Variants in FAT4 observed in about 807,000 individuals in gnomAD.
FAT4 encodes protocadherin Fat 4.
FAT4 carries 84 observed loss-of-function variants against 303.9 expected under a neutral mutation model. The ratio of observed to expected loss-of-function variants is 0.28; its 90% confidence interval spans 0.23 to 0.33. FAT4 has a LOEUF of 0.33. FAT4 is among the 10% of genes least tolerant of loss of function. The probability of loss-of-function intolerance (pLI) is 1.00; values close to 1 mark genes in which losing one functional copy is unlikely to be tolerated. For synonymous variants in FAT4, 2,307 were observed against 2,298.8 expected (o/e 1.00, Z -0.10); for missense variants, 6,005 against 6,146.8 (o/e 0.98, Z 0.77).
At chr4:125,452,869 C>T (rs911934307) in intron 10 of FAT4, 59 bp downstream of exon 10, 25 of 1,496,992 alleles carry the variant, frequency 1.7e-5, no homozygotes, top group Middle Eastern at 3.6e-4. Context: ...TATATTGAAA[C>T]GAAATAATTT....
At chr4:125,465,591 G>C (rs191301390) in intron 11 of FAT4, among the ~76,000 whole-genome samples, 1 of 152,152 alleles carries the variant, frequency 6.6e-6, no homozygotes, top group Non-Finnish European at 1.5e-5. Flanking sequence ...ATAAAAACAA[G>C]TTGCTGCTGC....
intron 8 of FAT4, among the ~76,000 whole-genome samples, chr4:125,435,945 C>A (rs9994836): frequency 6.6e-6 from 1 of 151,546 alleles, no homozygotes; most frequent in East Asian, 2.0e-4. Flanking sequence ...TTTGTACTTA[C>A]GTGGAGAAAT....
chr4:125,477,737 A>G (rs764311996), intron 14 of FAT4, among the ~76,000 whole-genome samples: 27 of 152,214 alleles, frequency 1.8e-4, no homozygotes, highest in South Asian at 4.1e-4. Flanking sequence ...ATAGACATAC[A>G]TATTCCTAAA....
intron 2 of FAT4, among the ~76,000 whole-genome samples, chr4:125,375,020 A>G (rs2710582): frequency 0.71 from 107,624 of 152,070 alleles, 38,288 homozygotes; most frequent in African/African-American, 0.81. Flanking sequence ...ACTTAAATTC[A>G]TAGGCACATA....
At chr4:125,417,187 T>G (rs1229559366) in intron 7 of FAT4, among the ~76,000 whole-genome samples, 1 of 152,092 alleles carries the variant, frequency 6.6e-6, no homozygotes, top group African/African-American at 2.4e-5. Context: ...CCCTATAAGC[T>G]TATTGAGTAC....
In FAT4 at chr4:125,491,141, G is replaced by T; in HGVS notation, c.14325G>T (p.Pro4775=). 2 of 1,614,144 alleles carry T rather than the reference G, an allele frequency of 1.2e-6. No homozygotes were observed. The highest frequency in any genetic ancestry group is 1.7e-6 in the Non-Finnish European group (2 of 1,180,020). The change falls in exon 18 of 18, where the codon CCG becomes CCT. Residue 4775 remains proline (P), a synonymous_variant. Coordinates refer to ENST00000394329, the MANE Select transcript of FAT4 (RefSeq NM_001291303.3). ...GSRPGSRLKQ[P]IGQIPLESSP... is the part of the protein sequence containing the mutation. ...GACCAGGGAGTCGCCTAAAGCAGCC[G>T]ATTGGGCAGATTCCACTGGAATCTT...
intron 2 of FAT4, among the ~76,000 whole-genome samples, chr4:125,384,019 T>C (rs1733640434): frequency 6.6e-6 from 1 of 152,226 alleles, no homozygotes. Flanking sequence ...TTCTTTTTAC[T>C]GCTGAATATG....
intron 2 of FAT4, among the ~76,000 whole-genome samples, chr4:125,392,982 T>C (rs1299063624): frequency 6.6e-6 from 1 of 152,150 alleles, no homozygotes; most frequent in Non-Finnish European, 1.5e-5. Flanking sequence ...TAATTTTGAC[T>C]CTCTGTAAAA....
intron 2 of FAT4, among the ~76,000 whole-genome samples, chr4:125,384,220 T>G (rs1733651868): frequency 6.6e-6 from 1 of 152,352 alleles, no homozygotes; most frequent in Admixed American, 6.5e-5. Context: ...GTGATAGCTA[T>G]ATTTAACATA....
rs1005338537 is a variant in FAT4, at chr4:125,452,107, C to A, written c.11097C>A (p.Ile3699=). 5.0e-6 allele frequency: 8 copies of A among 1,614,184 alleles called. No individual in the cohort carries two copies. The highest frequency in any genetic ancestry group is 6.8e-6 in the Non-Finnish European group (8 of 1,180,036). The change falls in exon 10 of 18, where the codon ATC becomes ATA. Residue 3699 remains isoleucine, a synonymous_variant. Coordinates refer to ENST00000394329, the MANE Select transcript of FAT4 (RefSeq NM_001291303.3). ...TTCACAGCACAGTCACGAGCAACATCCGAGTTTTCTTTGCTGGATTTTCCA... is the reference window on the plus strand; with the variant it reads ...TTCACAGCACAGTCACGAGCAACATACGAGTTTTCTTTGCTGGATTTTCCA... ...DGVHSTVTSN[I]RVFFAGFSNA...
At position 125,435,876 on chromosome 4, in the gene FAT4, G is replaced by A. The variant is rs114480861; in HGVS notation, c.7199+1451G>A. ...TAGAATCTGATGAGAGAGGATTTAC[G>A]GAGAGAAACCAGTGCACCATTTAGG... On this transcript the variant is annotated intron_variant, in intron 8 of 17. Transcript: ENST00000394329. Among the ~76,000 whole-genome samples the A allele has an allele frequency of 1.3e-3, 199 of 152,198 alleles. 2 individuals carry two copies. The highest frequency in any genetic ancestry group is 4.6e-3 in the African/African-American group (190 of 41,516).
chr4:125,413,109 C>A (rs980829371), intron 5 of FAT4, among the ~76,000 whole-genome samples: 60 of 151,440 alleles, frequency 4.0e-4, no homozygotes, highest in Non-Finnish European at 8.9e-5. Context: ...TATACACACA[C>A]AATATAATGT....
chr4:125,441,029 C>T (rs1578646623), intron 8 of FAT4, among the ~76,000 whole-genome samples: 2 of 151,894 alleles, frequency 1.3e-5, no homozygotes, highest in East Asian at 3.9e-4. Flanking sequence ...TACATCATGC[C>T]TGTACTATTA....
intron 2 of FAT4, among the ~76,000 whole-genome samples, chr4:125,370,869 GC>G (rs1733078468): frequency 6.6e-6 from 1 of 152,134 alleles, no homozygotes; most frequent in African/African-American, 2.4e-5. Context: ...TGTTAGGCCA[GC>G]CTGGGTGGCT....
Position 125,468,653 on chromosome 4 carries a change from A to G in FAT4, c.12047A>G (p.Asn4016Ser). 9 of 1,614,136 alleles carry G rather than the reference A, an allele frequency of 5.6e-6. No homozygotes were observed. Among genetic ancestry groups the G allele is most frequent in the Non-Finnish European group, 6.8e-6 (8 of 1,180,026 alleles). The change falls in exon 12 of 18, where the codon AAC (asparagine) becomes AGC (serine). Residue 4016 changes from asparagine (N) to serine (S), a missense_variant. Physicochemically the swap from Asn to Ser is conservative, Grantham distance 46. Transcript: ENST00000394329. ...AAAAGTCATGCCTTATTGCTTTACA[A>G]CTATGACAACCAGACAGGCGACCGG... ...TIKSHALLLY[N>S]YDNQTGDRAE...
At chr4:125,401,509 T>C (rs1405898958) in intron 3 of FAT4, among the ~76,000 whole-genome samples, 1 of 151,926 alleles carries the variant, frequency 6.6e-6, no homozygotes, top group African/African-American at 2.4e-5. Context: ...ATTGTGTAGA[T>C]TTTTAAAAAT....
At chr4:125,486,505 C>G (rs1027918052) in intron 16 of FAT4, among the ~76,000 whole-genome samples, 1 of 152,118 alleles carries the variant, frequency 6.6e-6, no homozygotes, top group Non-Finnish European at 1.5e-5. Flanking sequence ...GCCACTGCAT[C>G]CCCCTGCCAA....
At position 125,450,342 on chromosome 4, in the gene FAT4, G is replaced by A. The variant is rs757736746; in HGVS notation, c.9332G>A (p.Arg3111Lys). The change falls in exon 10 of 18, where the codon AGA (arginine) becomes AAA (lysine). Residue 3111 changes from arginine (R) to lysine (K), a missense_variant. By Grantham distance (26) the Arg-to-Lys change is conservative. Coordinates refer to ENST00000394329, the MANE Select transcript of FAT4 (RefSeq NM_001291303.3). ...AGCCATAGCATTGGGTCCATTGTCA[G>A]AACTGTTTCTGCAAGAGATAGAGAT... ...PESHSIGSIV[R>K]TVSARDRDAA... 2.5e-6 allele frequency: 4 copies of A among 1,614,102 alleles called. No individual in the cohort carries two copies. In the Admixed American group the frequency reaches 6.7e-5, roughly 27 times the overall value.
rs1274655349 is a variant in FAT4 at position 125,317,487 on chromosome 4, C to T, written c.1076C>T (p.Pro359Leu). 7 of 1,613,636 alleles carry T rather than the reference C, an allele frequency of 4.3e-6. No individual in the cohort carries two copies. Among genetic ancestry groups the T allele is most frequent in the Middle Eastern group, 1.6e-4 (1 of 6,084 alleles). ...CCGGTAGTGAAGTTCCGCTACTTCCCGGCCACCTCGCGCTACGCCTCGGTA... is the reference window on the plus strand; with the variant it reads ...CCGGTAGTGAAGTTCCGCTACTTCCTGGCCACCTCGCGCTACGCCTCGGTA... ...NDPVVKFRYF[P>L]ATSRYASVDE... The change falls in exon 2 of 18, where the codon CCG becomes CTG. Residue 359 changes from proline (P) to leucine (L), a missense_variant. Pro to Leu is a moderately conservative substitution (Grantham distance 98). Transcript: ENST00000394329. This position sits in a 1 kb window ranked among gnomAD's most constrained non-coding sequence, Gnocchi z 7.0.
Sources: gnomAD v4.1 joint callset for allele counts (sites outside exome capture counted in the v4.1 genomes callset) on GRCh38, gnomAD v4.1.1 for gene constraint, Gnocchi (gnomAD v3.1) non-coding constraint, MANE v1.5 for transcripts, NCBI Gene and HGNC (gene_info 2026-07-23, HGNC 2026-07-21) for gene names.